The following HIPK3 variants were observed in gnomAD, a reference collection of about 807,000 sequenced individuals.
The protein encoded by HIPK3 is homeodomain interacting protein kinase 3.
Under a neutral mutation model 124.2 loss-of-function variants are expected in HIPK3, and 47 were observed. The ratio of observed to expected loss-of-function variants is 0.38; its 90% CI spans 0.30 to 0.48. The LOEUF (loss-of-function observed/expected upper bound fraction) is 0.48. HIPK3 is among the 20% of genes least tolerant of loss of function. HIPK3 has a pLI of 0.98. For synonymous variants in HIPK3, 482 were observed against 515.2 expected, an observed-to-expected ratio of 0.94 and a Z score of 0.87; for missense variants, 1,286 against 1,454.3, an observed-to-expected ratio of 0.88 and a Z score of 1.88.
intron 2 of HIPK3, among the ~76,000 whole-genome samples, chr11:33,303,529 T>C (rs183473137): frequency 4.4e-4 from 67 of 152,342 alleles, no homozygotes; most frequent in African/African-American, 1.4e-3. Flanking sequence ...CCTTGTGCTA[T>C]ATATGTAGCT....
rs186875635 is a variant in HIPK3 at position 33,302,314 on chromosome 11, T to C, written c.1097+14803T>C. On this transcript the variant is annotated intron_variant, in intron 2 of 16. Transcript: ENST00000303296. ...TGAATCCTTACTTGATTCTCTCCAA[T>C]GAACTTCTCTATGATAATTCCTTAC... Among the ~76,000 whole-genome samples, 50 of 151,398 alleles carry C rather than the reference T, an allele frequency of 3.3e-4. No homozygotes were observed. In the East Asian group the frequency reaches 7.2e-3, roughly 22 times the overall value.
intron 2 of HIPK3, among the ~76,000 whole-genome samples, chr11:33,291,489 TG>T (rs1851697183): frequency 6.6e-6 from 1 of 152,212 alleles, no homozygotes; most frequent in Non-Finnish European, 1.5e-5. Context: ...CAGGGGACAG[TG>T]GCCAGAAATT....
At chr11:33,273,320 C>T (rs563740745) in intron 1 of HIPK3, among the ~76,000 whole-genome samples, 19 of 152,000 alleles carry the variant, frequency 1.3e-4, no homozygotes, top group East Asian at 5.8e-4. Context: ...CTGGCTAACA[C>T]GGTGAAACCC....
At chr11:33,349,723 T>C (rs1268751484) in intron 14 of HIPK3, among the ~76,000 whole-genome samples, 3 of 152,250 alleles carry the variant, frequency 2.0e-5, no homozygotes, top group African/African-American at 7.2e-5. Flanking sequence ...AGTGCTGGGA[T>C]TACAGGCATG....
At chr11:33,283,114 CTTT>C (rs776190216) in intron 1 of HIPK3, among the ~76,000 whole-genome samples, 4 of 143,040 alleles carry the variant, frequency 2.8e-5, no homozygotes, top group Non-Finnish European at 3.1e-5. Context: ...TCCAGAATTT[CTTT>C]TTTTTTTTTT....
At chr11:33,310,285 C>CT (rs1590386717) in intron 2 of HIPK3, among the ~76,000 whole-genome samples, 6 of 150,140 alleles carry the variant, frequency 4.0e-5, no homozygotes, top group Admixed American at 1.3e-4. Flanking sequence ...TCTATCTTAT[C>CT]TATCTATCTA....
At chr11:33,350,516 A>G (rs1327380315) in intron 14 of HIPK3, among the ~76,000 whole-genome samples, 1 of 151,840 alleles carries the variant, frequency 6.6e-6, no homozygotes, top group Non-Finnish European at 1.5e-5. Context: ...AAAATTAAAA[A>G]AAAAAAAAAA....
chr11:33,297,584 A>G (rs1851875773), intron 2 of HIPK3, among the ~76,000 whole-genome samples: 1 of 152,206 alleles, frequency 6.6e-6, no homozygotes, highest in Admixed American at 6.5e-5. Flanking sequence ...AAGCCTCTCC[A>G]TAACATAAAA....
At chr11:33,280,768 G>C (rs1054520637) in intron 1 of HIPK3, among the ~76,000 whole-genome samples, 8 of 152,206 alleles carry the variant, frequency 5.3e-5, no homozygotes, top group African/African-American at 1.9e-4. Flanking sequence ...CTCTATGTCA[G>C]TTATCAGCTG....
At chr11:33,315,442 G>T (rs998407510) in intron 2 of HIPK3, among the ~76,000 whole-genome samples, 1 of 152,122 alleles carries the variant, frequency 6.6e-6, no homozygotes, top group African/African-American at 2.4e-5. Flanking sequence ...GGCCAGGATG[G>T]TCTTGATCTC....
Position 33,286,504 on chromosome 11 carries a change from A to C in HIPK3, c.90A>C (p.Pro30=). 1 of 1,613,886 alleles carries C rather than the reference A, an allele frequency of 6.2e-7. No homozygotes were observed. The highest frequency in any genetic ancestry group is 8.5e-7 in the Non-Finnish European group (1 of 1,179,968). ...FCSVKKLKVE[P]SSCVFQERNY... is the part of the protein sequence containing the mutation. The stretch of plus-strand genomic sequence containing the variant: ...GTGTGAAGAAACTCAAAGTAGAGCC[A>C]AGCAGTTGTGTATTCCAGGAAAGAA... Residue 30 remains proline, a synonymous_variant, in exon 2 of 17, where the codon CCA becomes CCC. Transcript: ENST00000303296.
In HIPK3 at chr11:33,353,106, A is replaced by G. The variant is rs2134006346; in HGVS notation, c.3186A>G (p.Gly1062=). 1 of 1,607,198 alleles carries G rather than the reference A, an allele frequency of 6.2e-7. No homozygotes were observed. Among genetic ancestry groups the G allele is most frequent in the African/African-American group, 1.3e-5 (1 of 74,236 alleles). ...HLNFSQVQHF[G]SGHQEWNGNF... ...TTTGTGGATAGGTTCAGCACTTTGG[A>G]TCTGGGCATCAAGAGTGGAATGGAA... Residue 1062 remains glycine, a synonymous_variant, in exon 17 of 17, where the codon GGA becomes GGG. Transcript: ENST00000303296.
intron 2 of HIPK3, among the ~76,000 whole-genome samples, chr11:33,298,080 G>A (rs1031830218): frequency 2.6e-5 from 4 of 152,076 alleles, no homozygotes; most frequent in Admixed American, 6.5e-5. Flanking sequence ...GTGAGCCACC[G>A]CACCCAGCCA....
intron 8 of HIPK3, among the ~76,000 whole-genome samples, chr11:33,344,019 C>G (rs1010010013): frequency 5.3e-5 from 8 of 152,038 alleles, no homozygotes; most frequent in Non-Finnish European, 1.0e-4. Flanking sequence ...TTTTTTCCCC[C>G]AAGTGTTTAT....
chr11:33,302,299 C>T lies in HIPK3; in HGVS notation c.1097+14788C>T, dbSNP rs1339782437. Among the ~76,000 whole-genome samples, 6 of 148,960 alleles carry T rather than the reference C, an allele frequency of 4.0e-5. No individual in the cohort carries two copies. In the Admixed American group the frequency reaches 4.0e-4, roughly 10 times the overall value. On this transcript the variant is annotated intron_variant, in intron 2 of 16. Transcript: ENST00000303296. ...TTTCCTACATTTTAATGAATCCTTA[C>T]TTGATTCTCTCCAATGAACTTCTCT...
intron 1 of HIPK3, chr11:33,258,209 C>T: frequency 1.4e-6 from 1 of 704,958 alleles, no homozygotes; most frequent in Non-Finnish European, 1.7e-6. Flanking sequence ...GCCTCGGCCC[C>T]CCCTCCCCCT....
At chr11:33,293,924 T>C (rs915545782) in intron 2 of HIPK3, among the ~76,000 whole-genome samples, 5 of 152,202 alleles carry the variant, frequency 3.3e-5, no homozygotes, top group South Asian at 2.1e-4. Context: ...CCCAGCACTT[T>C]GGGAGGCCGA....
At chr11:33,268,549 C>T in intron 1 of HIPK3, among the ~76,000 whole-genome samples, 1 of 138,290 alleles carries the variant, frequency 7.2e-6, no homozygotes, top group East Asian at 2.1e-4. Flanking sequence ...TAGAATTGCA[C>T]CACTGCATTG....
intron 2 of HIPK3, among the ~76,000 whole-genome samples, chr11:33,301,855 C>CACACACACACACAT (rs66571916): frequency 6.6e-6 from 1 of 151,386 alleles, no homozygotes; most frequent in Non-Finnish European, 1.5e-5. Context: ...CACACACACA[C>CACACACACACACAT]GAGTACAGTA....
Sources: allele counts gnomAD v4.1 joint callset (sites outside exome capture counted in the v4.1 genomes callset), GRCh38; gene constraint gnomAD v4.1.1; transcripts MANE v1.5; gene names NCBI Gene and HGNC (gene_info 2026-07-23, HGNC 2026-07-21).